ARHGEF3: variants seen among roughly 807,000 people sequenced by gnomAD.
ARHGEF3 encodes 59.8 kDA protein.
Under a neutral mutation model 63.2 loss-of-function variants are expected in ARHGEF3, and 28 were observed. The ratio of observed to expected loss-of-function variants is 0.44; its 90% CI spans 0.33 to 0.61. The LOEUF is 0.61. Among genes scored for constraint, ARHGEF3 ranks in the 20% least tolerant of loss-of-function variants. The pLI is 0.03. For missense variants in ARHGEF3, 533 were observed against 659.3 expected, an observed-to-expected ratio of 0.81 and a Z score of 2.10; for synonymous variants, 266 against 254.2, an observed-to-expected ratio of 1.05 and a Z score of -0.44.
At chr3:56,885,108 G>A (rs1415915313) in intron 3 of ARHGEF3, among the ~76,000 whole-genome samples, 2 of 152,194 alleles carry the variant, frequency 1.3e-5, no homozygotes, top group East Asian at 1.9e-4. Context: ...GCCAGAGAAT[G>A]CTGTGATCAC....
At chr3:56,961,066 T>C (rs548761725) in intron 2 of ARHGEF3, among the ~76,000 whole-genome samples, 1 of 152,298 alleles carries the variant, frequency 6.6e-6, no homozygotes, top group South Asian at 2.1e-4. Flanking sequence ...TTAACACAGA[T>C]TCAATTACAG....
chr3:57,033,624 A>C (rs1703826348), intron 2 of ARHGEF3, among the ~76,000 whole-genome samples: 1 of 152,188 alleles, frequency 6.6e-6, no homozygotes, highest in Non-Finnish European at 1.5e-5. Flanking sequence ...AAAATGTACA[A>C]GGTAGATCCC....
At chr3:56,992,569 T>C (rs1358864133) in intron 2 of ARHGEF3, among the ~76,000 whole-genome samples, 2 of 152,084 alleles carry the variant, frequency 1.3e-5, no homozygotes, top group African/African-American at 4.8e-5. Context: ...TCCTGGATCA[T>C]GCCATCCTTC....
chr3:56,753,599 C>A, intron 3 of ARHGEF3, 33 bp from the exon 4 acceptor site: 1 of 1,594,482 alleles, frequency 6.3e-7, no homozygotes, highest in Non-Finnish European at 8.6e-7. Flanking sequence ...TCACTGAATT[C>A]TCCCTTCATT....
At chr3:56,736,860 A>C (rs2033656355) in intron 8 of ARHGEF3, among the ~76,000 whole-genome samples, 1 of 152,178 alleles carries the variant, frequency 6.6e-6, no homozygotes, top group Non-Finnish European at 1.5e-5. Context: ...TCAGAGGATA[A>C]GGCAGGCGGA....
intron 2 of ARHGEF3, among the ~76,000 whole-genome samples, chr3:56,964,089 C>T (rs1185559512): frequency 2.0e-5 from 3 of 152,150 alleles, no homozygotes; most frequent in Non-Finnish European, 2.9e-5. Context: ...CGGTGGCTCA[C>T]GCCTGTAATC....
intron 2 of ARHGEF3, among the ~76,000 whole-genome samples, chr3:56,982,847 C>T (rs11719841): frequency 0.11 from 17,473 of 152,038 alleles, 1,231 homozygotes; most frequent in Admixed American, 0.22. Context: ...GTCCTCTTCC[C>T]ACCGAGCAAA....
At chr3:56,968,962 T>C (rs552785328) in intron 2 of ARHGEF3, among the ~76,000 whole-genome samples, 1 of 152,308 alleles carries the variant, frequency 6.6e-6, no homozygotes, top group East Asian at 1.9e-4. Context: ...TCTTAGCAGT[T>C]GGTGACAACC....
intron 4 of ARHGEF3, among the ~76,000 whole-genome samples, chr3:56,858,499 T>C (rs1578693140): frequency 6.6e-6 from 1 of 152,172 alleles, no homozygotes. Flanking sequence ...ATTATAACAA[T>C]TGACAATGGC....
intron 2 of ARHGEF3, 43 bp from the exon 3 acceptor site, chr3:56,755,194 G>T: frequency 6.3e-7 from 1 of 1,595,538 alleles, no homozygotes; most frequent in South Asian, 1.1e-5. Context: ...GCAGCGGCAG[G>T]ACTGGGTGGA....
intron 2 of ARHGEF3, among the ~76,000 whole-genome samples, chr3:57,010,065 C>T (rs1159655143): frequency 6.6e-6 from 1 of 152,176 alleles, no homozygotes; most frequent in African/African-American, 2.4e-5. Context: ...GGGCTTTCTC[C>T]TGTCTCTTTT....
chr3:56,879,710 G>A (rs939480009), intron 4 of ARHGEF3, among the ~76,000 whole-genome samples: 5 of 150,396 alleles, frequency 3.3e-5, no homozygotes, highest in Non-Finnish European at 5.9e-5. Flanking sequence ...CAACTCTTCA[G>A]TAATACTGCC....
At chr3:56,874,163 T>C (rs1391031493) in intron 4 of ARHGEF3, among the ~76,000 whole-genome samples, 2 of 152,160 alleles carry the variant, frequency 1.3e-5, no homozygotes, top group East Asian at 3.8e-4. Flanking sequence ...AGAACAACCA[T>C]TGGACCAAAC....
chr3:56,754,216 T>A (rs2034932883), intron 3 of ARHGEF3, among the ~76,000 whole-genome samples: 1 of 152,206 alleles, frequency 6.6e-6, no homozygotes, highest in Non-Finnish European at 1.5e-5. Context: ...TTTGGCTCTA[T>A]TAAGCCATCA....
At chr3:56,984,446 A>C (rs4453807) in intron 2 of ARHGEF3, among the ~76,000 whole-genome samples, 118,794 of 151,954 alleles carry the variant, frequency 0.78, 47,203 homozygotes, top group Middle Eastern at 0.86. Context: ...TGTTACAAGG[A>C]AGGGAGGGAG....
intron 4 of ARHGEF3, among the ~76,000 whole-genome samples, chr3:56,866,817 T>C (rs1298168325): frequency 2.6e-5 from 4 of 152,234 alleles, no homozygotes; most frequent in African/African-American, 9.7e-5. Context: ...GGAAAGGAAT[T>C]GAGACTGCAA....
intron 4 of ARHGEF3, among the ~76,000 whole-genome samples, chr3:56,841,295 A>T (rs1017599082): frequency 6.6e-6 from 1 of 152,200 alleles, no homozygotes; most frequent in Non-Finnish European, 1.5e-5. Flanking sequence ...AATTTCAAAG[A>T]GGTGGTGAGA....
intron 4 of ARHGEF3, among the ~76,000 whole-genome samples, chr3:56,854,343 G>A (rs2039794545): frequency 6.6e-6 from 1 of 152,196 alleles, no homozygotes; most frequent in South Asian, 2.1e-4. Flanking sequence ...AAGGAGCAGT[G>A]CAATGGAGAA....
At chr3:57,076,710 C>T (rs1490588514) in intron 1 of ARHGEF3, 1 of 152,206 alleles carries the variant, frequency 6.6e-6, no homozygotes, top group African/African-American at 2.4e-5. Flanking sequence ...TGACAAGCAA[C>T]CAGTTCCTTT....
Sources: allele counts gnomAD v4.1 joint callset (sites outside exome capture counted in the v4.1 genomes callset), GRCh38; gene constraint gnomAD v4.1.1; transcripts MANE v1.5; gene names NCBI Gene and HGNC (gene_info 2026-07-23, HGNC 2026-07-21).